The following LSAMP variants were observed in gnomAD, a reference collection of about 807,000 sequenced individuals.
The protein encoded by LSAMP is limbic system associated membrane protein.
Under a neutral mutation model 38.6 loss-of-function variants are expected in LSAMP, and 7 were observed. That is an observed-to-expected ratio of 0.18 (90% CI 0.10 to 0.34). The LOEUF is 0.34. LSAMP is among the 10% of genes least tolerant of loss of function. The pLI, the probability that LSAMP is intolerant of heterozygous loss-of-function variation, is 1.00. For missense variants in LSAMP, 313 were observed against 420.0 expected, an observed-to-expected ratio of 0.75 and a Z score of 2.23; for synonymous variants, 154 against 166.8, an observed-to-expected ratio of 0.92 and a Z score of 0.59.
chr3:115,932,829 T>A (rs1937602755), intron 3 of LSAMP, among the ~76,000 whole-genome samples: 2 of 152,170 alleles, frequency 1.3e-5, no homozygotes, highest in Non-Finnish European at 2.9e-5. Flanking sequence ...CTAATGATGT[T>A]CAAGTAACTC....
intron 1 of LSAMP, among the ~76,000 whole-genome samples, chr3:116,421,541 T>C (rs1225632919): frequency 2.4e-4 from 2 of 8,338 alleles, no homozygotes; most frequent in African/African-American, 3.9e-4. Context: ...CAAGATTCTG[T>C]CTAAAAAAAA....
At chr3:116,314,220 A>G (rs982798253) in intron 1 of LSAMP, among the ~76,000 whole-genome samples, 4 of 152,212 alleles carry the variant, frequency 2.6e-5, no homozygotes, top group African/African-American at 9.6e-5. Context: ...CCAACATCTA[A>G]TAATTATATA....
chr3:116,335,132 C>T (rs947872701), intron 1 of LSAMP, among the ~76,000 whole-genome samples: 1 of 151,760 alleles, frequency 6.6e-6, no homozygotes, highest in Non-Finnish European at 1.5e-5. Context: ...TTTACAATAG[C>T]ATAAAATAAA....
chr3:116,167,401 T>C (rs904329334), intron 1 of LSAMP, among the ~76,000 whole-genome samples: 2 of 152,106 alleles, frequency 1.3e-5, no homozygotes, highest in Admixed American at 1.3e-4. Context: ...ATTACACAAA[T>C]CCACTCATCC....
intron 1 of LSAMP, among the ~76,000 whole-genome samples, chr3:116,333,170 G>A (rs757916642): frequency 4.6e-5 from 7 of 151,984 alleles, no homozygotes; most frequent in Admixed American, 1.3e-4. Flanking sequence ...ACTTAACAAC[G>A]CATATATTCT....
intron 3 of LSAMP, among the ~76,000 whole-genome samples, chr3:115,889,677 G>C (rs1371062258): frequency 2.0e-5 from 3 of 151,890 alleles, no homozygotes; most frequent in Non-Finnish European, 4.4e-5. Context: ...TTAATAGTCT[G>C]TAATTCTATA....
intron 1 of LSAMP, among the ~76,000 whole-genome samples, chr3:116,256,217 A>C (rs960221404): frequency 6.6e-6 from 1 of 152,202 alleles, no homozygotes; most frequent in African/African-American, 2.4e-5. Flanking sequence ...ATGTTCGATA[A>C]AGGTTTCCTG....
intron 1 of LSAMP, among the ~76,000 whole-genome samples, chr3:116,218,973 G>A (rs2046252119): frequency 6.6e-6 from 1 of 152,142 alleles, no homozygotes; most frequent in South Asian, 2.1e-4. Flanking sequence ...CACTTAACAT[G>A]AGATCCATTC....
chr3:115,864,488 T>C (rs1323798046), intron 3 of LSAMP, among the ~76,000 whole-genome samples: 4 of 152,190 alleles, frequency 2.6e-5, no homozygotes, highest in Admixed American at 2.6e-4. Context: ...ATTATCCCTT[T>C]GGATCTGCGT....
chr3:116,024,135 A>T (rs561378320), intron 2 of LSAMP, among the ~76,000 whole-genome samples: 1 of 152,252 alleles, frequency 6.6e-6, no homozygotes, highest in South Asian at 2.1e-4. Flanking sequence ...ATATTGGGTG[A>T]AATGCCCTGT....
At chr3:116,247,736 A>G (rs538734694) in intron 1 of LSAMP, among the ~76,000 whole-genome samples, 53 of 152,334 alleles carry the variant, frequency 3.5e-4, no homozygotes, top group South Asian at 2.1e-4. Flanking sequence ...AAGAGACTTC[A>G]GTAACTAAGG....
intron 3 of LSAMP, among the ~76,000 whole-genome samples, chr3:115,927,977 G>C (rs1302415002): frequency 6.6e-6 from 1 of 152,098 alleles, no homozygotes; most frequent in Non-Finnish European, 1.5e-5. Flanking sequence ...GTGCCTAATT[G>C]ATTATCTGCC....
chr3:116,088,365 GC>G (rs1273075910), intron 1 of LSAMP, among the ~76,000 whole-genome samples: 1 of 152,022 alleles, frequency 6.6e-6, no homozygotes, highest in African/African-American at 2.4e-5. Context: ...TAATTTAGAG[GC>G]CTTTTATCAT....
chr3:116,288,201 G>A (rs563262144), intron 1 of LSAMP, among the ~76,000 whole-genome samples: 1 of 152,290 alleles, frequency 6.6e-6, no homozygotes, highest in East Asian at 1.9e-4. Flanking sequence ...GCACATGGAG[G>A]TGGCACTCAT....
chr3:115,817,405 C>A (rs890566382), intron 6 of LSAMP, among the ~76,000 whole-genome samples: 5 of 152,108 alleles, frequency 3.3e-5, no homozygotes, highest in African/African-American at 1.2e-4. Flanking sequence ...ATACTGTATC[C>A]CTAGTGCTTA....
At position 115,889,190 on chromosome 3, in the gene LSAMP, T is replaced by A. The variant is rs368767773; in HGVS notation, c.515-36573A>T. ...GCCTGAAGATGGGCAAGGTTCCTTG[T>A]GTTTAAAAACTGGATATGAATGAAG... On this transcript the variant is annotated intron_variant, in intron 3 of 6. Transcript: ENST00000490035. Among the ~76,000 whole-genome samples the A allele has an allele frequency of 2.6e-5, 4 of 152,090 alleles. No homozygotes were observed. The East Asian group carries it at 5.8e-4, about 22-fold the overall frequency.
intron 1 of LSAMP, among the ~76,000 whole-genome samples, chr3:116,168,790 C>T (rs1259165030): frequency 1.3e-5 from 2 of 152,108 alleles, no homozygotes; most frequent in Non-Finnish European, 2.9e-5. Context: ...TTGGTAGGTA[C>T]CAGTTTTTAA....
rs1006993834 is a variant in LSAMP, at chr3:116,252,076, T to C, written c.156-165520A>G. 6.4e-4 allele frequency among the ~76,000 whole-genome samples: 97 copies of C among 152,332 alleles called. 1 individual carries two copies. Among genetic ancestry groups the C allele is most frequent in the African/African-American group, 2.2e-3 (92 of 41,578 alleles). On this transcript the variant is annotated intron_variant, in intron 1 of 6. Transcript: ENST00000490035. The stretch of plus-strand genomic sequence containing the variant: ...TGTCAGCTCTCGTTAGGAGCGTCTC[T>C]GCTCCTCTCACTGTTGGCTAGAAAC...
chr3:115,940,817 A>C (rs760182844), intron 3 of LSAMP, among the ~76,000 whole-genome samples: 15 of 152,286 alleles, frequency 9.8e-5, no homozygotes, highest in Non-Finnish European at 1.9e-4. Context: ...TACCTTTGTA[A>C]TATTTTTGAT....
Sources: gnomAD v4.1 joint callset for allele counts (sites outside exome capture counted in the v4.1 genomes callset) on GRCh38, gnomAD v4.1.1 for gene constraint, MANE v1.5 for transcripts, NCBI Gene and HGNC (gene_info 2026-07-23, HGNC 2026-07-21) for gene names.